The following DIAPH3 variants were observed in gnomAD, a reference collection of about 807,000 sequenced individuals.
The protein encoded by DIAPH3 is protein diaphanous homolog 3.
Under a neutral mutation model 144.3 loss-of-function variants are expected in DIAPH3, and 117 were observed. The observed-to-expected ratio is 0.81, with a 90% CI of 0.70 to 0.95. The LOEUF is 0.95. Ranked by LOEUF, DIAPH3 falls within the 40% of genes least tolerant of loss-of-function variation. The probability of loss-of-function intolerance (pLI) is 0.00; values close to 1 mark genes in which losing one functional copy is unlikely to be tolerated. For missense variants in DIAPH3, 1,421 were observed against 1,412.7 expected, an observed-to-expected ratio of 1.01 and a Z score of -0.09; for synonymous variants, 519 against 488.9, an observed-to-expected ratio of 1.06 and a Z score of -0.81.
intron 23 of DIAPH3, chr13:59,837,544 G>GTTATATAGATAT (rs2042099689): frequency 6.5e-6 from 1 of 154,302 alleles, no homozygotes; most frequent in Non-Finnish European, 1.5e-5. Flanking sequence ...AATCTTTTCT[G>GTTATATAGATAT]AACTGCTTTA....
chr13:59,747,493 A>G (rs2139090590), intron 27 of DIAPH3, among the ~76,000 whole-genome samples: 1 of 152,280 alleles, frequency 6.6e-6, no homozygotes, highest in Middle Eastern at 3.4e-3. Flanking sequence ...ACAAGGCATG[A>G]GTGGTTTAAG....
rs976782243 is a variant in DIAPH3 at position 59,738,330 on chromosome 13, T to G, written c.3319+35859A>C. Among the ~76,000 whole-genome samples the G allele has an allele frequency of 4.7e-5, 7 of 149,658 alleles. No individual in the cohort carries two copies. In the East Asian group the frequency reaches 1.4e-3, roughly 30 times the overall value. On this transcript the variant is annotated intron_variant, in intron 27 of 27. Transcript: ENST00000400324. ...CAAGGGGACCACAGAGGCAAGAGGG[T>G]GGGGGTGAATGGGGAATGAGTGGGA... is the stretch of plus-strand genomic sequence containing the variant.
At chr13:60,121,500 AC>A (rs1356891663) in intron 2 of DIAPH3, among the ~76,000 whole-genome samples, 5 of 152,202 alleles carry the variant, frequency 3.3e-5, no homozygotes, top group African/African-American at 1.2e-4. Context: ...GAGACCACCA[AC>A]AAGGAGGAAC....
chr13:59,682,552 G>A (rs2032999827), intron 27 of DIAPH3, among the ~76,000 whole-genome samples: 1 of 152,108 alleles, frequency 6.6e-6, no homozygotes, highest in Non-Finnish European at 1.5e-5. Flanking sequence ...TATGCTTTAG[G>A]ACACTATTCT....
At chr13:59,773,753 C>A (rs1302751983) in intron 27 of DIAPH3, among the ~76,000 whole-genome samples, 1 of 151,846 alleles carries the variant, frequency 6.6e-6, no homozygotes, top group Non-Finnish European at 1.5e-5. Flanking sequence ...CTCATCTACA[C>A]TTACCATTTT....
At chr13:60,012,713 T>A (rs1483012667) in intron 7 of DIAPH3, 1 of 152,790 alleles carries the variant, frequency 6.5e-6, no homozygotes, top group East Asian at 1.9e-4. Flanking sequence ...CCAAGGTGAC[T>A]CATGCTGACT....
At chr13:59,695,579 T>TAAAA (rs760723489) in intron 27 of DIAPH3, 1 of 152,158 alleles carries the variant, frequency 6.6e-6, no homozygotes, top group Non-Finnish European at 1.5e-5. Flanking sequence ...CAGAAAACTG[T>TAAAA]AAAAGCAACA....
intron 5 of DIAPH3, among the ~76,000 whole-genome samples, chr13:60,027,313 T>C (rs955626594): frequency 1.3e-5 from 2 of 152,214 alleles, no homozygotes; most frequent in East Asian, 1.9e-4. Context: ...AATGTTCAGA[T>C]TGTAAAATCT....
intron 27 of DIAPH3, among the ~76,000 whole-genome samples, chr13:59,711,817 G>C (rs543461563): frequency 1.3e-5 from 2 of 152,114 alleles, no homozygotes; most frequent in Non-Finnish European, 2.9e-5. Flanking sequence ...TTGGCACAGA[G>C]TTAACACTAA....
intron 20 of DIAPH3, among the ~76,000 whole-genome samples, chr13:59,904,265 A>AG (rs1402853036): frequency 2.0e-5 from 3 of 152,172 alleles, no homozygotes; most frequent in Non-Finnish European, 4.4e-5. Flanking sequence ...CTGGGTGGGA[A>AG]GGACGGGATT....
chr13:59,952,178 T>C (rs2049131980), intron 17 of DIAPH3, among the ~76,000 whole-genome samples: 1 of 152,140 alleles, frequency 6.6e-6, no homozygotes, highest in African/African-American at 2.4e-5. Context: ...ATTCCACTGA[T>C]ATGAAACATC....
chr13:59,782,655 G>A (rs9528040), intron 25 of DIAPH3, among the ~76,000 whole-genome samples: 3,033 of 152,290 alleles, frequency 0.02, 44 homozygotes, highest in Non-Finnish European at 0.03. Context: ...CTGAGAAGGG[G>A]AGGAAGACAG....
intron 9 of DIAPH3, among the ~76,000 whole-genome samples, chr13:59,994,000 A>G (rs1384745579): frequency 6.6e-6 from 1 of 151,880 alleles, no homozygotes; most frequent in Non-Finnish European, 1.5e-5. Context: ...AGGAACACAA[A>G]AACTAGCAGC....
intron 17 of DIAPH3, among the ~76,000 whole-genome samples, chr13:59,933,383 G>A (rs2140341571): frequency 6.6e-6 from 1 of 152,268 alleles, no homozygotes; most frequent in East Asian, 1.9e-4. Context: ...CTCCCCCTGT[G>A]GTGACAAAGA....
At chr13:60,160,283 CAT>C (rs1445232862) in intron 1 of DIAPH3, among the ~76,000 whole-genome samples, 1 of 152,152 alleles carries the variant, frequency 6.6e-6, no homozygotes, top group Non-Finnish European at 1.5e-5. Context: ...ACTACAATGA[CAT>C]AATCAATCAA....
At chr13:60,104,039 A>C (rs2138000645) in intron 3 of DIAPH3, among the ~76,000 whole-genome samples, 1 of 152,320 alleles carries the variant, frequency 6.6e-6, no homozygotes, top group South Asian at 2.1e-4. Flanking sequence ...GACTAAATGA[A>C]TCTTATCTAG....
At chr13:60,116,467 T>C (rs995963385) in intron 2 of DIAPH3, among the ~76,000 whole-genome samples, 1 of 152,030 alleles carries the variant, frequency 6.6e-6, no homozygotes, top group Non-Finnish European at 1.5e-5. Context: ...CCAAAAAAAC[T>C]GTTTTAGGAA....
rs1222993532 is a variant in DIAPH3, at chr13:59,710,234, T to A, written c.3320-43388A>T. ...ACATTGTGCACATGTACCCTAAAACTTAAAGTATAATAATAATAAATAACA... is the reference window on the plus strand; with the variant it reads ...ACATTGTGCACATGTACCCTAAAACATAAAGTATAATAATAATAAATAACA... On this transcript the variant is annotated intron_variant, in intron 27 of 27. Transcript: ENST00000400324. 1.5e-4 allele frequency among the ~76,000 whole-genome samples: 16 copies of A among 103,740 alleles called. No individual in the cohort carries two copies. In the Admixed American group the frequency reaches 1.6e-3, roughly 10 times the overall value. 68.1% of individuals were successfully genotyped at this position (103,740 alleles called of 152,430 possible). A position where few individuals can be genotyped will look rare whatever the true frequency, so the allele number is the denominator to read the frequency against.
At chr13:59,764,432 GA>G (rs1383577090) in intron 27 of DIAPH3, among the ~76,000 whole-genome samples, 1 of 151,556 alleles carries the variant, frequency 6.6e-6, no homozygotes, top group East Asian at 2.0e-4. Context: ...GGGAGGGATG[GA>G]TCAGTCCATT....
Sources: allele counts gnomAD v4.1 joint callset (sites outside exome capture counted in the v4.1 genomes callset), GRCh38; gene constraint gnomAD v4.1.1; transcripts MANE v1.5; gene names NCBI Gene and HGNC (gene_info 2026-07-23, HGNC 2026-07-21).